The following BCL11B variants were observed in gnomAD, a reference collection of about 807,000 sequenced individuals.
The protein encoded by BCL11B is B-cell lymphoma/leukemia 11B.
In BCL11B, 8 loss-of-function variants were observed where a neutral mutation model predicts 49.9. The observed-to-expected ratio is 0.16, with a 90% CI of 0.09 to 0.29. The LOEUF (loss-of-function observed/expected upper bound fraction) is 0.29. Among genes scored for constraint, BCL11B ranks in the 10% least tolerant of loss-of-function variants. BCL11B has a pLI of 1.00. For synonymous variants in BCL11B, 739 were observed against 637.4 expected, an observed-to-expected ratio of 1.16 and a Z score of -2.40; for missense variants, 1,006 against 1,351.0, an observed-to-expected ratio of 0.74 and a Z score of 4.00.
At chr14:99,201,371 C>T (rs1157529476) in intron 3 of BCL11B, among the ~76,000 whole-genome samples, 1 of 152,308 alleles carries the variant, frequency 6.6e-6, no homozygotes, top group East Asian at 1.9e-4. Context: ...CCCCTCTCAT[C>T]TAGAGCCTGA....
In BCL11B at chr14:99,194,110, C is replaced by T. The variant is rs938202745; in HGVS notation, c.641-17915G>A. ...GAATGGGAATGTCGTGAGAAACGTG[C>T]ATGACCCCACACATGAATTCTCCCA... On this transcript the variant is annotated intron_variant, in intron 3 of 3. Transcript: ENST00000357195. This position sits in a 1 kb window ranked among gnomAD's most constrained non-coding sequence, Gnocchi z 4.6. Among the ~76,000 whole-genome samples, 2 of 152,198 alleles carry T rather than the reference C, an allele frequency of 1.3e-5. No individual in the cohort carries two copies. Among genetic ancestry groups the T allele is most frequent in the Admixed American group, 1.3e-4 (2 of 15,278 alleles).
At position 99,257,679 on chromosome 14, in the gene BCL11B, A is replaced by G. The variant is rs1159666188; in HGVS notation, c.219T>C (p.Phe73=). The G allele has an allele frequency of 6.2e-7, 1 of 1,612,508 alleles. No individual in the cohort carries two copies. The highest frequency in any genetic ancestry group is 8.5e-7 in the Non-Finnish European group (1 of 1,178,930). Residue 73 remains phenylalanine (F), a synonymous_variant, in exon 2 of 4, where the codon TTT becomes TTC. Transcript: ENST00000357195. This position sits in a 1 kb window ranked among gnomAD's most constrained non-coding sequence, Gnocchi z 6.2. The part of the protein sequence containing the change: ...MNFPLGDILV[F]IEHKRKQCGG... ...CACACTGCTTCCTTTTGTGCTCTAT[A>G]AAAACCAGGATGTCCCCCAAGGGGA... is the stretch of plus-strand genomic sequence containing the variant.
In BCL11B at chr14:99,170,238, CTT is replaced by C; in HGVS notation, c.*3911_*3912del. The stretch of plus-strand genomic sequence containing the variant: ...CTGCAGTAGGAAACTGAAATCTCAG[CTT>C]TCTCTCCCATTCCCTCCCCCCTTTT... On this transcript the variant is annotated 3_prime_UTR_variant, in exon 4 of 4. Transcript: ENST00000357195. 4.5e-6 allele frequency: 1 copy of C among 222,082 alleles called. No individual in the cohort carries two copies. Among genetic ancestry groups the C allele is most frequent in the Non-Finnish European group, 9.0e-6 (1 of 110,818 alleles). 13.8% of individuals were successfully genotyped at this position (222,082 alleles called of 1,614,324 possible). A position where few individuals can be genotyped will look rare whatever the true frequency, so the allele number is the denominator to read the frequency against.
chr14:99,269,143 T>C (rs2693673), intron 1 of BCL11B, among the ~76,000 whole-genome samples: 39,964 of 122,440 alleles, frequency 0.33, 7,148 homozygotes, highest in Non-Finnish European at 0.44. Context: ...CCCCATCCAC[T>C]CCCCCTTCCC....
At position 99,257,893 on chromosome 14, in the gene BCL11B, G is replaced by A; in HGVS notation, c.59-54C>T. ...GCAGAGAAGATAGAGATGGGCTTAG[G>A]CGGTCACAGCACCCAACTTCCGGTC... On this transcript the variant is annotated intron_variant, in intron 1 of 3. Transcript: ENST00000357195. The surrounding 1 kb of genome is among the most constrained non-coding windows in gnomAD (Gnocchi z 6.2). 2 of 1,455,226 alleles carry A rather than the reference G, an allele frequency of 1.4e-6. No homozygotes were observed. The highest frequency in any genetic ancestry group is 1.8e-6 in the Non-Finnish European group (2 of 1,101,566). The allele number at this position is 1,455,226 out of a possible 1,614,324, so 90.1% of individuals were successfully genotyped here. A position where few individuals can be genotyped will look rare whatever the true frequency, so the allele number is the denominator to read the frequency against.
intron 3 of BCL11B, among the ~76,000 whole-genome samples, chr14:99,222,783 A>G (rs1465967414): frequency 2.0e-5 from 3 of 152,034 alleles, no homozygotes; most frequent in Non-Finnish European, 4.4e-5. Flanking sequence ...ACCCCTGTAG[A>G]TCTCCCAACC....
intron 3 of BCL11B, among the ~76,000 whole-genome samples, chr14:99,215,372 G>A (rs1222763390): frequency 3.3e-5 from 5 of 152,214 alleles, no homozygotes; most frequent in Admixed American, 6.5e-5. Flanking sequence ...TATTGTGGCC[G>A]CGGCCCCTGC....
intron 3 of BCL11B, among the ~76,000 whole-genome samples, chr14:99,201,316 C>T (rs75682006): frequency 0.041 from 6,214 of 152,276 alleles, 167 homozygotes; most frequent in Non-Finnish European, 0.068. Context: ...AGTCCAAATA[C>T]TGTTTTAAGG....
In BCL11B at chr14:99,213,995, G is replaced by A. The variant is rs1887760272; in HGVS notation, c.640+17350C>T. On this transcript the variant is annotated intron_variant, in intron 3 of 3. Transcript: ENST00000357195. The surrounding 1 kb of genome is among the most constrained non-coding windows in gnomAD (Gnocchi z 5.1). ...CTAGACCCAGTCCTCAGACCCCACA[G>A]AGGGCAGGCAGAACCTGGGCTCAAG... Among the ~76,000 whole-genome samples the A allele has an allele frequency of 6.6e-6, 1 of 152,128 alleles. No homozygotes were observed. Among genetic ancestry groups the A allele is most frequent in the Admixed American group, 6.5e-5 (1 of 15,284 alleles).
intron 3 of BCL11B, among the ~76,000 whole-genome samples, chr14:99,230,591 T>A (rs1468203053): frequency 1.3e-5 from 2 of 152,112 alleles, no homozygotes; most frequent in Non-Finnish European, 2.9e-5. Flanking sequence ...CAGAATAAGA[T>A]CTTGGGTTCC....
chr14:99,250,483 T>C (rs1888976995), intron 2 of BCL11B, among the ~76,000 whole-genome samples: 1 of 152,130 alleles, frequency 6.6e-6, no homozygotes, highest in South Asian at 2.1e-4. Context: ...CTTTGTTTCC[T>C]CAGTGAAAAG....
At chr14:99,252,656 C>T (rs577518697) in intron 2 of BCL11B, among the ~76,000 whole-genome samples, 109 of 152,378 alleles carry the variant, frequency 7.2e-4, no homozygotes, top group African/African-American at 2.5e-3. Context: ...CTGCCTGCCA[C>T]CTCCAAGCCC....
chr14:99,237,530 C>T (rs1888538717), intron 2 of BCL11B, among the ~76,000 whole-genome samples: 1 of 152,156 alleles, frequency 6.6e-6, no homozygotes, highest in Admixed American at 6.5e-5. Context: ...CAGGCCCCAC[C>T]TCCCACTCCT....
chr14:99,258,349 G>T, intron 1 of BCL11B, among the ~76,000 whole-genome samples: 1 of 152,180 alleles, frequency 6.6e-6, no homozygotes, highest in East Asian at 1.9e-4. Context: ...GGCAGCCAGG[G>T]CCGAGAACCA....
At chr14:99,224,502 C>A (rs1398955062) in intron 3 of BCL11B, among the ~76,000 whole-genome samples, 3 of 152,180 alleles carry the variant, frequency 2.0e-5, no homozygotes, top group Admixed American at 6.5e-5. Flanking sequence ...AAGAAACTCT[C>A]CCAGGCAAGT....
At chr14:99,200,401 G>T (rs1046686507) in intron 3 of BCL11B, among the ~76,000 whole-genome samples, 1 of 152,242 alleles carries the variant, frequency 6.6e-6, no homozygotes, top group Non-Finnish European at 1.5e-5. Flanking sequence ...AATATCTATG[G>T]CTGGAGCCAG....
chr14:99,181,664 G>C (rs1173669620), intron 3 of BCL11B, among the ~76,000 whole-genome samples: 1 of 152,228 alleles, frequency 6.6e-6, no homozygotes, highest in African/African-American at 2.4e-5. Flanking sequence ...CTTGACCCTG[G>C]AGAGGAGAAG....
chr14:99,180,546 T>G (rs888328366), intron 3 of BCL11B, among the ~76,000 whole-genome samples: 5 of 152,156 alleles, frequency 3.3e-5, no homozygotes, highest in African/African-American at 4.8e-5. Flanking sequence ...GAAGGAGGAA[T>G]TCAGTCAATT....
In BCL11B at chr14:99,174,002, GAC is replaced by G; in HGVS notation, c.*147_*148del. ...CCTCGGGTTTCCATAGGACTTCGCA[GAC>G]ACAGGTTAGGTTGGAGTGCCGCCTC... On this transcript the variant is annotated 3_prime_UTR_variant, in exon 4 of 4. Transcript: ENST00000357195. 1.4e-6 allele frequency: 1 copy of G among 713,764 alleles called. No individual in the cohort carries two copies. Among genetic ancestry groups the G allele is most frequent in the Non-Finnish European group, 2.3e-6 (1 of 436,144 alleles). 44.2% of individuals were successfully genotyped at this position (713,764 alleles called of 1,614,324 possible).
Sources: allele counts gnomAD v4.1 joint callset (sites outside exome capture counted in the v4.1 genomes callset), GRCh38; gene constraint gnomAD v4.1.1; non-coding constraint Gnocchi (gnomAD v3.1); transcripts MANE v1.5; gene names NCBI Gene and HGNC (gene_info 2026-07-23, HGNC 2026-07-21).